The following TUNAR variants were observed in gnomAD, a reference collection of about 807,000 sequenced individuals.
The protein encoded by TUNAR is transmembrane neural differentiation associated intracellular calcium regulator.
intron 2 of TUNAR, among the ~76,000 whole-genome samples, chr14:95,885,920 G>T (rs1320863749): frequency 6.6e-6 from 1 of 152,136 alleles, no homozygotes; most frequent in East Asian, 1.9e-4. Flanking sequence ...GTCTCTGCTT[G>T]TCTGTATCTG....
intron 2 of TUNAR, among the ~76,000 whole-genome samples, chr14:95,908,325 G>C (rs1889456910): frequency 6.6e-6 from 1 of 152,236 alleles, no homozygotes; most frequent in African/African-American, 2.4e-5. Flanking sequence ...GGCAGCTGCA[G>C]CTGCACCCAG....
At chr14:95,893,718 C>T (rs1027971512) in intron 2 of TUNAR, among the ~76,000 whole-genome samples, 2 of 152,234 alleles carry the variant, frequency 1.3e-5, no homozygotes, top group African/African-American at 4.8e-5. Context: ...GAATAACCTT[C>T]CCAGGAGCAT....
chr14:95,913,434 T>G (rs1889551132), intron 2 of TUNAR, among the ~76,000 whole-genome samples: 1 of 152,194 alleles, frequency 6.6e-6, no homozygotes, highest in Non-Finnish European at 1.5e-5. Context: ...TTTCTGTTCC[T>G]GTGTTAGTTT....
intron 2 of TUNAR, among the ~76,000 whole-genome samples, chr14:95,904,548 C>T (rs1429925969): frequency 6.6e-6 from 1 of 152,180 alleles, no homozygotes; most frequent in African/African-American, 2.4e-5. Flanking sequence ...CCAGGGTCAC[C>T]AAGCAGCTTC....
chr14:95,894,825 G>A (rs1399118332), intron 2 of TUNAR, among the ~76,000 whole-genome samples: 1 of 152,246 alleles, frequency 6.6e-6, no homozygotes, highest in Non-Finnish European at 1.5e-5. Context: ...GACGCACAGG[G>A]AAGGTGTAGA....
intron 2 of TUNAR, among the ~76,000 whole-genome samples, chr14:95,884,488 T>A (rs1889038206): frequency 6.6e-6 from 1 of 152,208 alleles, no homozygotes; most frequent in African/African-American, 2.4e-5. Flanking sequence ...CCCTGCAGAC[T>A]GACACTCTTA....
chr14:95,883,691 C>G (rs557318278), intron 2 of TUNAR, among the ~76,000 whole-genome samples: 3 of 152,218 alleles, frequency 2.0e-5, no homozygotes, highest in South Asian at 4.2e-4. Context: ...GGCCTTCTCT[C>G]TCCTCTCACC....
At chr14:95,900,026 C>T (rs932343465) in intron 2 of TUNAR, among the ~76,000 whole-genome samples, 6 of 152,196 alleles carry the variant, frequency 3.9e-5, no homozygotes, top group South Asian at 2.1e-4. Context: ...TTTCTCGGTC[C>T]TCCAGCTTTG....
chr14:95,910,496 C>G (rs1020842363), intron 2 of TUNAR, among the ~76,000 whole-genome samples: 1 of 152,242 alleles, frequency 6.6e-6, no homozygotes, highest in African/African-American at 2.4e-5. Context: ...CTGGCCCCAT[C>G]ATGACAGATA....
chr14:95,915,681 A>G (rs561476607), intron 2 of TUNAR, among the ~76,000 whole-genome samples: 1 of 152,330 alleles, frequency 6.6e-6, no homozygotes, highest in South Asian at 2.1e-4. Flanking sequence ...GGCTCTCCCT[A>G]GCTGCTCTGC....
intron 2 of TUNAR, among the ~76,000 whole-genome samples, chr14:95,907,109 A>G (rs1889437922): frequency 6.6e-6 from 1 of 152,108 alleles, no homozygotes; most frequent in Non-Finnish European, 1.5e-5. Context: ...AAATCTCTCC[A>G]AGTCCATTCA....
chr14:95,880,270 G>A (rs1055190303), intron 2 of TUNAR, among the ~76,000 whole-genome samples: 3 of 152,110 alleles, frequency 2.0e-5, no homozygotes, highest in Non-Finnish European at 2.9e-5. Context: ...GTTACATAAC[G>A]TTCCAATTAG....
intron 2 of TUNAR, among the ~76,000 whole-genome samples, chr14:95,919,441 G>T (rs971419922): frequency 6.6e-6 from 1 of 152,250 alleles, no homozygotes; most frequent in African/African-American, 2.4e-5. Flanking sequence ...AAGCATGGTG[G>T]CTCACACTTA....
At chr14:95,923,172 CA>C in exon 3 of TUNAR, 1 of 383,602 alleles carries the variant, frequency 2.6e-6, no homozygotes, top group Non-Finnish European at 4.6e-6. Flanking sequence ...ATGATTCCAA[CA>C]AAACTCATTC....
intron 2 of TUNAR, among the ~76,000 whole-genome samples, chr14:95,915,042 C>G (rs1034426126): frequency 5.3e-5 from 8 of 152,180 alleles, no homozygotes; most frequent in Admixed American, 5.2e-4. Flanking sequence ...GCTTTCCTGA[C>G]TGAGCTGTCG....
At chr14:95,897,891 C>T (rs1242936252) in intron 2 of TUNAR, among the ~76,000 whole-genome samples, 1 of 152,048 alleles carries the variant, frequency 6.6e-6, no homozygotes, top group South Asian at 2.1e-4. Flanking sequence ...CTTTTTCATA[C>T]TCTCCCTTTT....
At chr14:95,887,364 C>T (rs570016419) in intron 2 of TUNAR, among the ~76,000 whole-genome samples, 3 of 152,288 alleles carry the variant, frequency 2.0e-5, no homozygotes, top group Admixed American at 1.3e-4. Flanking sequence ...ACTTGTGCAG[C>T]GGTCAGTCTG....
At chr14:95,884,253 G>A (rs1889032215) in intron 2 of TUNAR, among the ~76,000 whole-genome samples, 1 of 152,070 alleles carries the variant, frequency 6.6e-6, no homozygotes, top group African/African-American at 2.4e-5. Context: ...ACCTTAAGGT[G>A]ACCCTCAGGG....
At chr14:95,893,482 G>T (rs904284123) in intron 2 of TUNAR, among the ~76,000 whole-genome samples, 3 of 152,184 alleles carry the variant, frequency 2.0e-5, no homozygotes, top group Non-Finnish European at 4.4e-5. Flanking sequence ...GGTTGGGTCT[G>T]TTCTCAGGTT....
Sources: gnomAD v4.1 joint callset for allele counts (sites outside exome capture counted in the v4.1 genomes callset) on GRCh38, gnomAD v4.1.1 for gene constraint, MANE v1.5 for transcripts, NCBI Gene and HGNC (gene_info 2026-07-23, HGNC 2026-07-21) for gene names.